PRDM5: variants seen among roughly 807,000 people sequenced by gnomAD.
PRDM5 encodes the protein PR/SET domain 5, also known as PR domain zinc finger protein 5.
PRDM5 carries 56 observed loss-of-function variants against 81.2 expected under a neutral mutation model. That is an observed-to-expected ratio of 0.69 (90% confidence interval 0.56 to 0.86). The LOEUF (loss-of-function observed/expected upper bound fraction) is 0.86, where lower values mean the gene tolerates loss of function less well. Ranked by LOEUF, PRDM5 falls within the 40% of genes least tolerant of loss-of-function variation. The pLI is 0.00. For synonymous variants in PRDM5, 267 were observed against 256.4 expected (o/e 1.04, Z -0.39); for missense variants, 697 against 770.1 (o/e 0.91, Z 1.12).
At chr4:120,766,183 C>T (rs1746365101) in intron 13 of PRDM5, among the ~76,000 whole-genome samples, 1 of 152,148 alleles carries the variant, frequency 6.6e-6, no homozygotes, top group Non-Finnish European at 1.5e-5. Context: ...TGGTTTCGAA[C>T]ACCTGACCTC....
intron 2 of PRDM5, among the ~76,000 whole-genome samples, chr4:120,898,546 C>T (rs1764905414): frequency 6.6e-6 from 1 of 152,184 alleles, no homozygotes; most frequent in Non-Finnish European, 1.5e-5. Flanking sequence ...AGAAAAGCAA[C>T]TGCAGATTAT....
intron 4 of PRDM5, among the ~76,000 whole-genome samples, chr4:120,820,398 A>G (rs1290520559): frequency 2.0e-5 from 3 of 152,250 alleles, no homozygotes; most frequent in African/African-American, 7.2e-5. Context: ...GTATTTTGTT[A>G]TAACAGCCTG....
intron 2 of PRDM5, among the ~76,000 whole-genome samples, chr4:120,856,132 T>C (rs2148479683): frequency 6.6e-6 from 1 of 152,328 alleles, no homozygotes; most frequent in South Asian, 2.1e-4. Context: ...ATTAGCAACT[T>C]ATTTTCCTTT....
intron 1 of PRDM5, among the ~76,000 whole-genome samples, chr4:120,917,005 T>C (rs936057883): frequency 2.0e-5 from 3 of 152,256 alleles, no homozygotes; most frequent in African/African-American, 4.8e-5. Flanking sequence ...GATAAACTTA[T>C]GTCACTCCTT....
At chr4:120,754,085 G>A (rs1322093060) in intron 14 of PRDM5, among the ~76,000 whole-genome samples, 1 of 152,128 alleles carries the variant, frequency 6.6e-6, no homozygotes, top group Non-Finnish European at 1.5e-5. Flanking sequence ...GTGAAGCACT[G>A]AGCTACACTT....
intron 8 of PRDM5, among the ~76,000 whole-genome samples, chr4:120,801,023 T>G (rs1752046506): frequency 6.6e-6 from 1 of 152,162 alleles, no homozygotes. Context: ...CTAAAAGAAA[T>G]GTATTACATA....
chr4:120,708,696 C>T (rs1458901618), intron 15 of PRDM5, among the ~76,000 whole-genome samples: 1 of 152,040 alleles, frequency 6.6e-6, no homozygotes, highest in Non-Finnish European at 1.5e-5. Context: ...GTAGAGAACA[C>T]ACACACTGGA....
At chr4:120,833,461 A>G (rs1408787744) in intron 3 of PRDM5, among the ~76,000 whole-genome samples, 1 of 152,144 alleles carries the variant, frequency 6.6e-6, no homozygotes, top group Non-Finnish European at 1.5e-5. Context: ...TCCCAAAAGA[A>G]GTTGTAAAAT....
intron 13 of PRDM5, among the ~76,000 whole-genome samples, chr4:120,763,109 A>C (rs556332182): frequency 1.3e-5 from 2 of 152,278 alleles, no homozygotes; most frequent in East Asian, 3.9e-4. Flanking sequence ...AGAATCTTAC[A>C]GTTACAGTAT....
At chr4:120,721,402 G>C (rs1324761365) in intron 14 of PRDM5, among the ~76,000 whole-genome samples, 3 of 152,102 alleles carry the variant, frequency 2.0e-5, no homozygotes, top group African/African-American at 7.2e-5. Context: ...AGCTCCCAAG[G>C]TGCCTCTAAT....
At chr4:120,721,029 C>CTGAGT (rs1282402951) in intron 14 of PRDM5, among the ~76,000 whole-genome samples, 2 of 152,178 alleles carry the variant, frequency 1.3e-5, no homozygotes, top group Non-Finnish European at 2.9e-5. Flanking sequence ...TTAATCCACT[C>CTGAGT]TGAGGCCCAC....
intron 15 of PRDM5, among the ~76,000 whole-genome samples, chr4:120,703,932 T>C (rs1735744754): frequency 6.6e-6 from 1 of 151,954 alleles, no homozygotes. Flanking sequence ...AAAATATATA[T>C]AAAAACCACT....
intron 15 of PRDM5, among the ~76,000 whole-genome samples, chr4:120,698,442 C>G (rs763845010): frequency 6.6e-6 from 1 of 152,160 alleles, no homozygotes; most frequent in Non-Finnish European, 1.5e-5. Flanking sequence ...CTAAGTCAGT[C>G]AGGATTTCAG....
intron 2 of PRDM5, among the ~76,000 whole-genome samples, chr4:120,862,635 C>T (rs748575006): frequency 6.6e-6 from 1 of 152,206 alleles, no homozygotes; most frequent in Non-Finnish European, 1.5e-5. Context: ...TCAGAGTGTT[C>T]CCTGTCAATA....
intron 14 of PRDM5, among the ~76,000 whole-genome samples, 179 bp from the exon 15 acceptor site, chr4:120,710,592 C>T (rs561665807): frequency 4.6e-5 from 7 of 152,278 alleles, no homozygotes; most frequent in South Asian, 2.1e-4. Flanking sequence ...CCATAATCCC[C>T]ATATGTCATG....
At chr4:120,744,026 G>C (rs1742562468) in intron 14 of PRDM5, among the ~76,000 whole-genome samples, 1 of 151,910 alleles carries the variant, frequency 6.6e-6, no homozygotes, top group Admixed American at 6.6e-5. Context: ...CCACATACTT[G>C]GAAGTAAAGC....
Position 120,691,917 on chromosome 4 carries a change from G to A in PRDM5, c.*3194C>T, listed in dbSNP as rs900870069. Reference sequence around the variant, plus strand: ...AAATAAAATGCTAACACCAAGTCTGGTAGTGATTTATATATATTTATTATA... The same window carrying A: ...AAATAAAATGCTAACACCAAGTCTGATAGTGATTTATATATATTTATTATA... On this transcript the variant is annotated 3_prime_UTR_variant, in exon 16 of 16. Transcript: ENST00000264808. 6.6e-6 allele frequency: 1 copy of A among 151,828 alleles called. No individual in the cohort carries two copies. Among genetic ancestry groups the A allele is most frequent in the African/African-American group, 2.4e-5 (1 of 41,388 alleles). The allele number at this position is 151,828 out of a possible 1,614,324, so 9.4% of individuals were successfully genotyped here. A position where few individuals can be genotyped will look rare whatever the true frequency, so the allele number is the denominator to read the frequency against.
chr4:120,740,125 A>G (rs192213781), intron 14 of PRDM5, among the ~76,000 whole-genome samples: 3 of 152,322 alleles, frequency 2.0e-5, no homozygotes, highest in Admixed American at 1.3e-4. Flanking sequence ...TTTATCTTAA[A>G]TGATTCCTTG....
chr4:120,711,424 G>T (rs908001274), intron 14 of PRDM5, among the ~76,000 whole-genome samples: 1 of 151,110 alleles, frequency 6.6e-6, no homozygotes, highest in Non-Finnish European at 1.5e-5. Context: ...TCAGCCTCCT[G>T]AGTAGCTGGT....
Sources: allele counts gnomAD v4.1 joint callset (sites outside exome capture counted in the v4.1 genomes callset), GRCh38; gene constraint gnomAD v4.1.1; transcripts MANE v1.5; gene names NCBI Gene and HGNC (gene_info 2026-07-23, HGNC 2026-07-21).